The following NHSL2 variants were observed in gnomAD, a reference collection of about 807,000 sequenced individuals.
NHSL2 encodes the protein NHS like 2, also known as NHS-like protein 2.
In NHSL2, 27 loss-of-function variants were observed where a neutral mutation model predicts 53.4. That is an observed-to-expected ratio of 0.51 (90% CI 0.37 to 0.70). The LOEUF (loss-of-function observed/expected upper bound fraction) is 0.70, where lower values mean the gene tolerates loss of function less well. Ranked by LOEUF, NHSL2 falls within the 30% of genes least tolerant of loss-of-function variation. NHSL2 has a pLI of 0.00. For synonymous variants in NHSL2, 408 were observed against 404.1 expected, an observed-to-expected ratio of 1.01 and a Z score of -0.12; for missense variants, 892 against 980.1, an observed-to-expected ratio of 0.91 and a Z score of 1.20.
At chrX:72,013,511 C>T (rs1432881089) in intron 1 of NHSL2, among the ~76,000 whole-genome samples, 1 of 108,506 alleles carries the variant, frequency 9.2e-6, no homozygotes, top group Non-Finnish European at 1.9e-5. Flanking sequence ...TTATAATCTA[C>T]ATGTTTTATC....
rs1242637959 is a variant in NHSL2, at chrX:72,140,310, A to G, written c.2762A>G (p.Tyr921Cys). The change falls in exon 6 of 8, where the codon TAC becomes TGC. Residue 921 changes from tyrosine to cysteine, a missense_variant. Transcript: ENST00000633930. ...GCGAGACCACTCCCTCAAGACAGCTACACGGTAGTGCGGAAACCAAAGCCC... is the reference window on the plus strand; with the variant it reads ...GCGAGACCACTCCCTCAAGACAGCTGCACGGTAGTGCGGAAACCAAAGCCC... The part of the protein sequence containing the change: ...QHARPLPQDS[Y>C]TVVRKPKPSS... 1 of 1,211,183 alleles carries G rather than the reference A, an allele frequency of 8.3e-7. No homozygotes were observed. The highest frequency in any genetic ancestry group is 1.1e-6 in the Non-Finnish European group (1 of 895,110).
intron 1 of NHSL2, among the ~76,000 whole-genome samples, chrX:72,064,209 G>A (rs1176027382): frequency 8.9e-6 from 1 of 111,994 alleles, no homozygotes; most frequent in South Asian, 3.7e-4. Flanking sequence ...CAACACACAA[G>A]CACTATGAGG....
chrX:72,037,624 T>TG (rs1002585117), intron 1 of NHSL2, among the ~76,000 whole-genome samples: 2 of 111,220 alleles, frequency 1.8e-5, no homozygotes, highest in Non-Finnish European at 3.8e-5. Context: ...TGCTGGTAGG[T>TG]GGGGGTGGAA....
intron 4 of NHSL2, among the ~76,000 whole-genome samples, chrX:72,135,016 A>C (rs1199514702): frequency 1.8e-5 from 2 of 112,348 alleles, no homozygotes; most frequent in African/African-American, 6.5e-5. Context: ...GGAAACTTAA[A>C]GTTTGTGAGT....
chrX:71,917,404 T>C (rs1045325816), intron 1 of NHSL2, among the ~76,000 whole-genome samples: 2 of 109,713 alleles, frequency 1.8e-5, no homozygotes, highest in African/African-American at 6.6e-5. Flanking sequence ...TGTCTCCAGC[T>C]CCCAAAACAA....
chrX:72,097,461 TAAAC>T (rs1416122239), intron 1 of NHSL2, among the ~76,000 whole-genome samples: 1 of 112,121 alleles, frequency 8.9e-6, no homozygotes, highest in Non-Finnish European at 1.9e-5. Context: ...CTCTCTGTGA[TAAAC>T]AAAAAAGTTC....
intron 1 of NHSL2, among the ~76,000 whole-genome samples, chrX:72,074,143 A>C (rs1001727967): frequency 5.5e-5 from 6 of 109,790 alleles, no homozygotes; most frequent in Non-Finnish European, 1.1e-4. Flanking sequence ...CCCGCAAGCA[A>C]CCGAATCAGC....
intron 1 of NHSL2, among the ~76,000 whole-genome samples, chrX:71,969,685 T>A (rs1267840634): frequency 8.9e-6 from 1 of 112,769 alleles, no homozygotes; most frequent in Non-Finnish European, 1.9e-5. Context: ...TTTAGTGGTT[T>A]CCTTAGGATT....
chrX:72,029,276 G>C (rs1391871925), intron 1 of NHSL2, among the ~76,000 whole-genome samples: 2 of 111,043 alleles, frequency 1.8e-5, no homozygotes, highest in East Asian at 5.7e-4. Context: ...CTCTCACCCT[G>C]CTCAAGCAGA....
intron 1 of NHSL2, among the ~76,000 whole-genome samples, chrX:72,124,082 C>A (rs1481001989): frequency 9.0e-6 from 1 of 111,533 alleles, no homozygotes; most frequent in Non-Finnish European, 1.9e-5. Flanking sequence ...CCGAGCTTTC[C>A]CTAGTCTGGG....
chrX:72,059,927 C>A (rs759374187), intron 1 of NHSL2, among the ~76,000 whole-genome samples: 20 of 112,011 alleles, frequency 1.8e-4, no homozygotes, highest in Non-Finnish European at 2.8e-4. Context: ...AACTGAGGGC[C>A]AGGGTTCTAT....
At chrX:71,950,238 A>G (rs928606552) in intron 1 of NHSL2, among the ~76,000 whole-genome samples, 1 of 112,946 alleles carries the variant, frequency 8.9e-6, no homozygotes, top group Non-Finnish European at 1.9e-5. Context: ...TGGCCCAGGC[A>G]AGAGGCAAAG....
chrX:72,131,955 C>G (rs949142875), intron 1 of NHSL2, 124 bp from the exon 2 acceptor site: 3 of 637,101 alleles, frequency 4.7e-6, no homozygotes, highest in Non-Finnish European at 7.2e-6. Context: ...CTTTTAAGCG[C>G]AGCCTCGCAC....
chrX:72,137,315 C>A, intron 5 of NHSL2, 90 bp downstream of exon 5: 1 of 913,050 alleles, frequency 1.1e-6, no homozygotes, highest in Non-Finnish European at 1.5e-6. Flanking sequence ...TGATGGGGAA[C>A]AGGAATAATT....
chrX:71,962,568 T>G (rs1602281163), intron 1 of NHSL2, among the ~76,000 whole-genome samples: 1 of 109,755 alleles, frequency 9.1e-6, no homozygotes. Flanking sequence ...TTGGTTCTCT[T>G]ATAATTTTTT....
At chrX:72,014,900 G>T (rs1022356058) in intron 1 of NHSL2, among the ~76,000 whole-genome samples, 7 of 109,689 alleles carry the variant, frequency 6.4e-5, no homozygotes, top group African/African-American at 2.3e-4. Flanking sequence ...ACCCCAGTGG[G>T]GAAATTTGGG....
chrX:72,137,336 G>T (rs2042365386), intron 5 of NHSL2, 111 bp downstream of exon 5: 7 of 748,556 alleles, frequency 9.4e-6, no homozygotes, highest in African/African-American at 2.1e-5. Context: ...GGGTGGAGGA[G>T]GGGGCCTCCG....
intron 1 of NHSL2, among the ~76,000 whole-genome samples, chrX:71,935,337 C>A (rs2041732811): frequency 8.9e-6 from 1 of 112,332 alleles, no homozygotes; most frequent in Non-Finnish European, 1.9e-5. Context: ...GTCTGAAGGG[C>A]CTTTTATCCT....
intron 1 of NHSL2, among the ~76,000 whole-genome samples, chrX:72,093,778 C>CTTTCTTTCTTTCTT (rs1422615371): frequency 1.0e-5 from 1 of 98,777 alleles, no homozygotes; most frequent in East Asian, 3.0e-4. Context: ...TTCTTTCTTT[C>CTTTCTTTCTTTCTT]TTTTCCTTTC....
Sources: allele counts gnomAD v4.1 joint callset (sites outside exome capture counted in the v4.1 genomes callset), GRCh38; gene constraint gnomAD v4.1.1; transcripts MANE v1.5; gene names NCBI Gene and HGNC (gene_info 2026-07-23, HGNC 2026-07-21).